Variants in GREM2 observed in about 807,000 individuals in gnomAD.
GREM2 encodes gremlin-2.
In GREM2, 11 loss-of-function variants were observed where a neutral mutation model predicts 14.2. That is an observed-to-expected ratio of 0.78 (90% CI 0.49 to 1.28). The LOEUF (loss-of-function observed/expected upper bound fraction) is 1.28. GREM2 is among the 50% of genes most tolerant of loss of function. The pLI is 0.00. For missense variants in GREM2, 210 were observed against 218.5 expected (o/e 0.96, Z 0.24); for synonymous variants, 98 against 97.6 (o/e 1.00, Z -0.02).
intron 1 of GREM2, among the ~76,000 whole-genome samples, chr1:240,590,569 A>G (rs1375688049): frequency 2.0e-5 from 3 of 150,796 alleles, no homozygotes; most frequent in Admixed American, 6.6e-5. Flanking sequence ...AGCTGGGATT[A>G]CAGGCATGTG....
intron 1 of GREM2, among the ~76,000 whole-genome samples, chr1:240,597,020 G>T (rs533901802): frequency 6.6e-6 from 1 of 152,280 alleles, no homozygotes; most frequent in East Asian, 1.9e-4. Flanking sequence ...CTGAAATTCA[G>T]CCAGTGCCAG....
chr1:240,490,182 G>A lies in GREM2; in HGVS notation c.*2787C>T, dbSNP rs946067099. ...ACTTCCATTGCTGCAGTTTCTCAAG[G>A]TTTCCTTGTTTAGTGTTTCTCCTTC... On this transcript the variant is annotated 3_prime_UTR_variant, in exon 2 of 2. Coordinates refer to ENST00000318160, the MANE Select transcript of GREM2 (RefSeq NM_022469.4). The A allele has an allele frequency of 3.9e-5, 6 of 152,318 alleles. No individual in the cohort carries two copies. In the East Asian group the frequency reaches 1.2e-3, roughly 29 times the overall value. 9.4% of individuals were successfully genotyped at this position (152,318 alleles called of 1,614,324 possible). A position where few individuals can be genotyped will look rare whatever the true frequency, so the allele number is the denominator to read the frequency against.
Position 240,491,689 on chromosome 1 carries a change from A to G in GREM2, c.*1280T>C, listed in dbSNP as rs1332191647. The G allele has an allele frequency of 6.6e-6, 1 of 152,620 alleles. No individual in the cohort carries two copies. Among genetic ancestry groups the G allele is most frequent in the Non-Finnish European group, 1.5e-5 (1 of 68,036 alleles). 9.5% of individuals were successfully genotyped at this position (152,620 alleles called of 1,614,324 possible). On this transcript the variant is annotated 3_prime_UTR_variant, in exon 2 of 2. Transcript: ENST00000318160. Reference sequence around the variant, plus strand: ...TCCCTTCTATACCACAAAGCGACTCAACTCCTTATATTTTTCAATATCCCT... The same window carrying G: ...TCCCTTCTATACCACAAAGCGACTCGACTCCTTATATTTTTCAATATCCCT...
At chr1:240,567,967 G>T (rs1168468094) in intron 1 of GREM2, among the ~76,000 whole-genome samples, 3 of 152,108 alleles carry the variant, frequency 2.0e-5, no homozygotes, top group Non-Finnish European at 4.4e-5. Context: ...AAATTAGCCA[G>T]ATGTGGTGGA....
At position 240,493,112 on chromosome 1, in the gene GREM2, A is replaced by G; in HGVS notation, c.364T>C (p.Phe122Leu). 6.2e-7 allele frequency: 1 copy of G among 1,614,150 alleles called. No homozygotes were observed. Among genetic ancestry groups the G allele is most frequent in the Non-Finnish European group, 8.5e-7 (1 of 1,180,002 alleles). ...KEEESFQSCA[F>L]CKPQRVTSVL... ...GAGGTGACGCGCTGGGGCTTGCAGAAGGCGCAGGACTGGAAGGACTCCTCC... is the reference window on the plus strand; with the variant it reads ...GAGGTGACGCGCTGGGGCTTGCAGAGGGCGCAGGACTGGAAGGACTCCTCC... The change falls in exon 2 of 2, where the codon TTC becomes CTC. Residue 122 changes from phenylalanine to leucine, a missense_variant. Physicochemically the swap from Phe to Leu is conservative, Grantham distance 22. Transcript: ENST00000318160.
intron 1 of GREM2, among the ~76,000 whole-genome samples, chr1:240,573,086 A>C (rs1178151290): frequency 2.0e-5 from 3 of 152,194 alleles, no homozygotes; most frequent in Non-Finnish European, 4.4e-5. Context: ...AAAAGTACTC[A>C]GTAATTAAGA....
intron 1 of GREM2, among the ~76,000 whole-genome samples, chr1:240,560,187 A>G (rs1231221184): frequency 6.6e-6 from 1 of 152,180 alleles, no homozygotes; most frequent in Non-Finnish European, 1.5e-5. Flanking sequence ...AAGAATTTTT[A>G]CCGCTGTATG....
intron 1 of GREM2, among the ~76,000 whole-genome samples, chr1:240,568,336 AT>A (rs1679202920): frequency 6.6e-6 from 1 of 152,178 alleles, no homozygotes; most frequent in African/African-American, 2.4e-5. Context: ...ACAAACAGTT[AT>A]AGCAATATGC....
chr1:240,528,205 T>C (rs1442918345), intron 1 of GREM2, among the ~76,000 whole-genome samples: 5 of 152,202 alleles, frequency 3.3e-5, no homozygotes, highest in African/African-American at 1.2e-4. Context: ...AAATATCTAT[T>C]TGAGTATCAA....
Position 240,493,376 on chromosome 1 carries a change from A to G in GREM2, c.100T>C (p.Tyr34His). 6.2e-7 allele frequency: 1 copy of G among 1,613,720 alleles called. No homozygotes were observed. The highest frequency in any genetic ancestry group is 8.5e-7 in the Non-Finnish European group (1 of 1,179,966). ...NRPAGAIPSP[Y>H]KDGSSNNSER... ...GAGTTGTTGCTGCTGCCGTCCTTGT[A>G]AGGCGAGGGGATGGCGCCCGCCGGC... is the stretch of plus-strand genomic sequence containing the variant. Residue 34 changes from tyrosine (Y) to histidine (H), a missense_variant, in exon 2 of 2, where the codon TAC becomes CAC. Transcript: ENST00000318160.
At chr1:240,522,066 G>A (rs1400713609) in intron 1 of GREM2, among the ~76,000 whole-genome samples, 1 of 145,454 alleles carries the variant, frequency 6.9e-6, no homozygotes, top group African/African-American at 2.6e-5. Flanking sequence ...GTTTCAGTGA[G>A]CCATGATCAC....
chr1:240,559,159 CTG>C, intron 1 of GREM2, among the ~76,000 whole-genome samples: 1 of 152,180 alleles, frequency 6.6e-6, no homozygotes, highest in South Asian at 2.1e-4. Flanking sequence ...TTCTCGAACT[CTG>C]TTACATTGAA....
intron 1 of GREM2, among the ~76,000 whole-genome samples, chr1:240,524,592 A>G (rs927961054): frequency 9.2e-5 from 14 of 152,220 alleles, no homozygotes; most frequent in African/African-American, 2.4e-5. Context: ...CACCAGTACA[A>G]ATTCCCCAGG....
Position 240,580,437 on chromosome 1 carries a change from C to G in GREM2, c.-2+31447G>C, listed in dbSNP as rs528585372. The stretch of plus-strand genomic sequence containing the variant: ...ACTAATATTTTCATTTGCTGACATG[C>G]CTTATCAAGATATATGTTCTTGTTT... On this transcript the variant is annotated intron_variant, in intron 1 of 1. Coordinates refer to ENST00000318160, the MANE Select transcript of GREM2 (RefSeq NM_022469.4). Among the ~76,000 whole-genome samples, 14 of 152,254 alleles carry G rather than the reference C, an allele frequency of 9.2e-5. 1 individual carries two copies. In the South Asian group the frequency reaches 2.7e-3, roughly 29 times the overall value.
Position 240,535,566 on chromosome 1 carries a change from G to A in GREM2, c.-1-42090C>T, listed in dbSNP as rs572392290. ...TGTAATCCCCACATTTTGGGAGGCC[G>A]AGGCAGGGGGATCACTTGAGGTCAG... On this transcript the variant is annotated intron_variant, in intron 1 of 1. Transcript: ENST00000318160. 1.5e-4 allele frequency among the ~76,000 whole-genome samples: 23 copies of A among 152,244 alleles called. No individual in the cohort carries two copies. The South Asian group carries it at 2.9e-3, about 19-fold the overall frequency.
intron 1 of GREM2, among the ~76,000 whole-genome samples, chr1:240,602,621 A>G (rs1383742649): frequency 1.3e-5 from 2 of 152,068 alleles, no homozygotes; most frequent in Non-Finnish European, 2.9e-5. Flanking sequence ...GATCAAGACC[A>G]TCCTGGCCAA....
At chr1:240,547,514 A>C in intron 1 of GREM2, among the ~76,000 whole-genome samples, 1 of 102,664 alleles carries the variant, frequency 9.7e-6, no homozygotes, top group South Asian at 3.1e-4. Flanking sequence ...AAAAAAAAAA[A>C]ATATATATAT....
chr1:240,500,039 T>C (rs1447820963), intron 1 of GREM2, among the ~76,000 whole-genome samples: 1 of 152,180 alleles, frequency 6.6e-6, no homozygotes, highest in Non-Finnish European at 1.5e-5. Context: ...TTTCTAACTA[T>C]GAAACATTTC....
At chr1:240,573,514 T>C (rs939656949) in intron 1 of GREM2, among the ~76,000 whole-genome samples, 1 of 152,228 alleles carries the variant, frequency 6.6e-6, no homozygotes, top group African/African-American at 2.4e-5. Flanking sequence ...TGCATTTAGA[T>C]TTTATTTATC....
Sources: gnomAD v4.1 joint callset for allele counts (sites outside exome capture counted in the v4.1 genomes callset) on GRCh38, gnomAD v4.1.1 for gene constraint, MANE v1.5 for transcripts, NCBI Gene and HGNC (gene_info 2026-07-23, HGNC 2026-07-21) for gene names.